The following MTCL1 variants were observed in gnomAD, a reference collection of about 807,000 sequenced individuals.
MTCL1 encodes microtubule crosslinking factor 1.
MTCL1 carries 79 observed loss-of-function variants against 141.4 expected under a neutral mutation model. That is an observed-to-expected ratio of 0.56 (90% CI 0.47 to 0.67). The LOEUF (loss-of-function observed/expected upper bound fraction) is 0.67, where lower values mean the gene tolerates loss of function less well. Ranked by LOEUF, MTCL1 falls within the 30% of genes least tolerant of loss-of-function variation. MTCL1 has a pLI of 0.00. For synonymous variants in MTCL1, 914 were observed against 875.8 expected (o/e 1.04, Z -0.77); for missense variants, 2,177 against 2,113.9 (o/e 1.03, Z -0.59).
intron 7 of MTCL1, 142 bp downstream of exon 6, chr18:8,786,233 G>A (rs1184774986): frequency 2.0e-6 from 2 of 984,532 alleles, no homozygotes; most frequent in South Asian, 1.4e-5. Flanking sequence ...TCACTTGACA[G>A]CAAACCCATT....
At chr18:8,799,879 T>C (rs1047914923) in intron 10 of MTCL1, among the ~76,000 whole-genome samples, 1 of 152,238 alleles carries the variant, frequency 6.6e-6, no homozygotes, top group Non-Finnish European at 1.5e-5. Flanking sequence ...TTATTGTCAT[T>C]TCCCTTTGCC....
At chr18:8,811,427 C>T (rs2076480889) in intron 11 of MTCL1, among the ~76,000 whole-genome samples, 1 of 152,152 alleles carries the variant, frequency 6.6e-6, no homozygotes, top group Non-Finnish European at 1.5e-5. Flanking sequence ...CAGATTTCAA[C>T]GTGAAGTTTG....
intron 4 of MTCL1, among the ~76,000 whole-genome samples, chr18:8,730,810 C>G (rs899462148): frequency 1.3e-5 from 2 of 152,212 alleles, no homozygotes; most frequent in Non-Finnish European, 1.5e-5. Flanking sequence ...GAAGATCCAT[C>G]TATTTCTCTC....
At chr18:8,804,753 A>C (rs1168305937) in intron 10 of MTCL1, among the ~76,000 whole-genome samples, 1 of 152,148 alleles carries the variant, frequency 6.6e-6, no homozygotes, top group Non-Finnish European at 1.5e-5. Context: ...CCATTTTCTG[A>C]GGCTGAGGCA....
chr18:8,768,896 A>G (rs571624363), intron 4 of MTCL1, among the ~76,000 whole-genome samples: 30 of 150,850 alleles, frequency 2.0e-4, no homozygotes, highest in African/African-American at 6.6e-4. Context: ...GGTTCAAGCA[A>G]TTCTCCTGCC....
At chr18:8,795,606 T>C (rs533590431) in intron 8 of MTCL1, among the ~76,000 whole-genome samples, 47 of 152,326 alleles carry the variant, frequency 3.1e-4, no homozygotes, top group Non-Finnish European at 3.2e-4. Flanking sequence ...TCCTAAGAGA[T>C]ATGCACATCT....
Position 8,805,102 on chromosome 18 carries a change from A to AATATATATAT in MTCL1, c.2437-1783_2437-1774dup, listed in dbSNP as rs71356268. On this transcript the variant is annotated intron_variant, in intron 10 of 16. Coordinates refer to ENST00000359865, the Ensembl canonical transcript of MTCL1. ...TCTTTTTAATACAACTTTATTTTTG[A>AATATATATAT]ATATATATATATATATAGAATTTTA... Among the ~76,000 whole-genome samples the AATATATATAT allele has an allele frequency of 3.9e-3, 569 of 146,352 alleles. 7 individuals carry two copies. The highest frequency in any genetic ancestry group is 0.012 in the African/African-American group (450 of 38,930).
rs144061014 is a variant in MTCL1, at chr18:8,796,317, C to G, written c.2096C>G (p.Thr699Ser). 1.2e-4 allele frequency: 192 copies of G among 1,614,176 alleles called. No homozygotes were observed. In the African/African-American group the frequency reaches 2.3e-3, roughly 19 times the overall value. Residue 699 changes from threonine to serine, a missense_variant, in exon 9 of 17, where the codon ACC (threonine) becomes AGC (serine). Transcript: ENST00000359865. Reference sequence around the variant, plus strand: ...TTGCAAAACACCCTCCATGAGCGAACCTGGAGTGATGAGAAGAATCTGATG... The same window carrying G: ...TTGCAAAACACCCTCCATGAGCGAAGCTGGAGTGATGAGAAGAATCTGATG...
intron 4 of MTCL1, among the ~76,000 whole-genome samples, chr18:8,745,544 G>C (rs1045582832): frequency 6.6e-6 from 1 of 152,058 alleles, no homozygotes; most frequent in African/African-American, 2.4e-5. Context: ...CTCTTCTCTT[G>C]TGTTTTGGGT....
chr18:8,826,797 C>T (rs1354041703), intron 15 of MTCL1, among the ~76,000 whole-genome samples: 2 of 152,188 alleles, frequency 1.3e-5, no homozygotes, highest in African/African-American at 4.8e-5. Context: ...AGCAGTAAAA[C>T]CAAGTGAAAC....
intron 3 of MTCL1, among the ~76,000 whole-genome samples, chr18:8,719,365 A>C (rs1178846038): frequency 6.6e-6 from 1 of 152,246 alleles, no homozygotes; most frequent in East Asian, 1.9e-4. Context: ...ATTCTACCAA[A>C]GTTATAAACC....
At chr18:8,726,007 G>A (rs1409369634) in intron 4 of MTCL1, among the ~76,000 whole-genome samples, 2 of 151,608 alleles carry the variant, frequency 1.3e-5, no homozygotes, top group African/African-American at 4.8e-5. Flanking sequence ...TAGCCAGGAT[G>A]GTCTCAATCT....
At chr18:8,727,371 C>G (rs1444211256) in intron 4 of MTCL1, among the ~76,000 whole-genome samples, 1 of 152,140 alleles carries the variant, frequency 6.6e-6, no homozygotes, top group African/African-American at 2.4e-5. Flanking sequence ...ATTCCCTATA[C>G]TGTTTTCCAT....
chr18:8,780,702 C>A (rs2096529855), intron 5 of MTCL1, among the ~76,000 whole-genome samples: 1 of 152,178 alleles, frequency 6.6e-6, no homozygotes, highest in Admixed American at 6.5e-5. Context: ...TTCATGGGAA[C>A]AACAAAGACC....
At chr18:8,730,215 T>G (rs142126869) in intron 4 of MTCL1, among the ~76,000 whole-genome samples, 1 of 152,280 alleles carries the variant, frequency 6.6e-6, no homozygotes, top group African/African-American at 2.4e-5. Context: ...AGTGCTTTCT[T>G]GGTGCGGAGT....
Position 8,821,388 on chromosome 18 carries a change from A to G in MTCL1, c.3157-79A>G, listed in dbSNP as rs569612470. On this transcript the variant is annotated intron_variant, in intron 13 of 16. Coordinates refer to ENST00000359865, the Ensembl canonical transcript of MTCL1. The stretch of plus-strand genomic sequence containing the variant: ...GGTGGTTTCCTGGGGGTGCAGAGCA[A>G]ACAAATCACTTAAGTACATTCAGGG... 153 of 933,004 alleles carry G rather than the reference A, an allele frequency of 1.6e-4. 4 individuals carry two copies. The South Asian group carries it at 1.7e-3, about 10-fold the overall frequency. 57.8% of individuals were successfully genotyped at this position (933,004 alleles called of 1,614,324 possible).
chr18:8,758,486 A>G (rs147527897), intron 4 of MTCL1, among the ~76,000 whole-genome samples: 1 of 152,120 alleles, frequency 6.6e-6, no homozygotes, highest in East Asian at 1.9e-4. Context: ...GGTTTCCTTC[A>G]TTCATAGGAT....
intron 4 of MTCL1, among the ~76,000 whole-genome samples, chr18:8,767,515 C>G (rs2096465014): frequency 6.6e-6 from 1 of 152,182 alleles, no homozygotes; most frequent in South Asian, 2.1e-4. Context: ...TTAAGCCCTA[C>G]TTTGTCCTCT....
intron 16 of MTCL1, chr18:8,829,907 T>C (rs1273897304): frequency 1.0e-6 from 1 of 985,104 alleles, no homozygotes; most frequent in Non-Finnish European, 1.2e-6. Flanking sequence ...TGATTCTTCC[T>C]TCACAAGCAG....
Sources: allele counts gnomAD v4.1 joint callset (sites outside exome capture counted in the v4.1 genomes callset), GRCh38; gene constraint gnomAD v4.1.1; transcripts MANE v1.5; gene names NCBI Gene and HGNC (gene_info 2026-07-23, HGNC 2026-07-21).